Variants in RGP1 observed in about 807,000 individuals in gnomAD.
RGP1 encodes RAB6A-GEF complex partner protein 2.
In RGP1, 28 loss-of-function variants were observed where a neutral mutation model predicts 44.5. The ratio of observed to expected loss-of-function variants is 0.63; its 90% CI spans 0.47 to 0.86. The LOEUF (loss-of-function observed/expected upper bound fraction) is 0.86. Ranked by LOEUF, RGP1 falls within the 40% of genes least tolerant of loss-of-function variation. RGP1 has a pLI of 0.00. For missense variants in RGP1, 417 were observed against 490.7 expected (o/e 0.85, Z 1.42); for synonymous variants, 212 against 196.7 (o/e 1.08, Z -0.65).
At chr9:35,781,035 A>C in the RGP1 span, among the ~76,000 whole-genome samples, 1 of 152,186 alleles carries the variant, frequency 6.6e-6, no homozygotes, top group African/African-American at 2.4e-5. Flanking sequence ...CTTCTCATGG[A>C]ATACACAATC....
At chr9:35,751,165 C>A in intron 5 of RGP1, 101 bp from the exon 6 acceptor site, 1 of 1,497,436 alleles carries the variant, frequency 6.7e-7, no homozygotes, top group Non-Finnish European at 9.2e-7. Context: ...AGCCCTGGCA[C>A]CCCTTACCTT....
At chr9:35,774,896 G>C in the RGP1 span, among the ~76,000 whole-genome samples, 1 of 151,968 alleles carries the variant, frequency 6.6e-6, no homozygotes, top group Admixed American at 6.6e-5. Context: ...GGTGGGGGGG[G>C]CTTCAGTCAC....
Position 35,751,372 on chromosome 9 carries a change from T to C in RGP1, c.594T>C (p.Ala198=). 6.2e-7 allele frequency: 1 copy of C among 1,614,010 alleles called. No homozygotes were observed. The highest frequency in any genetic ancestry group is 8.5e-7 in the Non-Finnish European group (1 of 1,179,886). ...AAGATTCATGGCTAGCTGAGCTGGC[T>C]GGGGAACGCCTAATGGCTGCCACAT... The part of the protein sequence containing the change: ...GKKDSWLAEL[A]GERLMAATSC... The change falls in exon 6 of 9, where the codon GCT becomes GCC. Residue 198 remains alanine, a synonymous_variant. Transcript: ENST00000378078.
chr9:35,751,899 G>A, intron 7 of RGP1, 57 bp from the exon 8 acceptor site: 6 of 1,558,576 alleles, frequency 3.8e-6, no homozygotes, highest in Non-Finnish European at 5.2e-6. Flanking sequence ...AGGTTGGGCT[G>A]TCCTCTCACC....
At position 35,754,312 on chromosome 9, in the gene RGP1, AC is replaced by A; in HGVS notation, c.*1441del. 2.9e-6 allele frequency: 2 copies of A among 680,958 alleles called. No individual in the cohort carries two copies. Among genetic ancestry groups the A allele is most frequent in the Non-Finnish European group, 4.5e-6 (2 of 443,912 alleles). The allele number at this position is 680,958 out of a possible 1,614,324, so 42.2% of individuals were successfully genotyped here. The stretch of plus-strand genomic sequence containing the variant: ...GGCTGGGGATGTTTATAAAGTGAGG[AC>A]CCTGGCCCCCTGCTGAGTAGAGCTG... On this transcript the variant is annotated 3_prime_UTR_variant, in exon 9 of 9. Coordinates refer to ENST00000378078, the MANE Select transcript of RGP1 (RefSeq NM_001080496.3).
At chr9:35,788,742 T>C in the RGP1 span, among the ~76,000 whole-genome samples, 2 of 152,162 alleles carry the variant, frequency 1.3e-5, no homozygotes, top group African/African-American at 2.4e-5. Context: ...TCCTAGGTTT[T>C]CTATGTATTG....
Position 35,749,407 on chromosome 9 carries a change from A to T in RGP1, c.-21A>T. 1.8e-6 allele frequency: 1 copy of T among 560,140 alleles called. No individual in the cohort carries two copies. Among genetic ancestry groups the T allele is most frequent in the Non-Finnish European group, 3.6e-6 (1 of 276,906 alleles). 34.7% of individuals were successfully genotyped at this position (560,140 alleles called of 1,614,324 possible). A position where few individuals can be genotyped will look rare whatever the true frequency, so the allele number is the denominator to read the frequency against. On this transcript the variant is annotated splice_region_variant and 5_prime_UTR_variant, in exon 1 of 9. Transcript: ENST00000378078. The surrounding 1 kb of genome is among the most constrained non-coding windows in gnomAD (Gnocchi z 4.4). Reference sequence around the variant, plus strand: ...GCCGATCCCTAGTGTCGACTATGCGAGGTGACTAGCGGCGGTGATCTTGGG... The same window carrying T: ...GCCGATCCCTAGTGTCGACTATGCGTGGTGACTAGCGGCGGTGATCTTGGG...
chr9:35,783,906 C>G, the RGP1 span, among the ~76,000 whole-genome samples: 1 of 152,322 alleles, frequency 6.6e-6, no homozygotes, highest in African/African-American at 2.4e-5. Context: ...TATGTTCCCA[C>G]TAGTATAAAA....
the RGP1 span, among the ~76,000 whole-genome samples, chr9:35,770,406 A>C: frequency 6.6e-6 from 1 of 151,152 alleles, no homozygotes; most frequent in Non-Finnish European, 1.5e-5. Flanking sequence ...TAGGTATATG[A>C]TTTGAAAGCT....
the RGP1 span, among the ~76,000 whole-genome samples, chr9:35,781,727 G>A: frequency 2.0e-5 from 3 of 152,022 alleles, no homozygotes; most frequent in Admixed American, 2.0e-4. Context: ...TGTGTAGGGT[G>A]TTATATATAA....
chr9:35,774,630 A>T, the RGP1 span, among the ~76,000 whole-genome samples: 1 of 152,142 alleles, frequency 6.6e-6, no homozygotes, highest in Admixed American at 6.5e-5. Flanking sequence ...AGGCTGAGGC[A>T]GGAGAGTGGC....
Position 35,752,072 on chromosome 9 carries a change from C to T in RGP1, c.879C>T (p.Cys293=). Residue 293 remains cysteine, a synonymous_variant, in exon 8 of 9, where the codon TGC becomes TGT. Transcript: ENST00000378078. ...HVTHARHQES[C]LHTTRTSFSL... ...CTCACGCCCGGCACCAGGAATCCTG[C>T]CTACATACAACTAGAACCAGCTTCT... 2 of 1,610,420 alleles carry T rather than the reference C, an allele frequency of 1.2e-6. No individual in the cohort carries two copies. Among genetic ancestry groups the T allele is most frequent in the Non-Finnish European group, 1.7e-6 (2 of 1,177,992 alleles).
chr9:35,778,991 A>C, the RGP1 span, among the ~76,000 whole-genome samples: 1 of 152,216 alleles, frequency 6.6e-6, no homozygotes, highest in African/African-American at 2.4e-5. Context: ...TGAGGAATGC[A>C]GTTGAGCTCC....
intron 4 of RGP1, 43 bp from the exon 5 acceptor site, chr9:35,750,797 C>G (rs769032714): frequency 6.2e-7 from 1 of 1,613,836 alleles, no homozygotes; most frequent in South Asian, 1.1e-5. Context: ...AGGGAGGACT[C>G]CTCTGGTGCC....
rs752453039 is a variant in RGP1 at position 35,752,692 on chromosome 9, C to G, written c.994C>G (p.Arg332Gly). 3.1e-6 allele frequency: 5 copies of G among 1,613,262 alleles called. No individual in the cohort carries two copies. In the Admixed American group the frequency reaches 6.7e-5, roughly 22 times the overall value. ...ATTGCATTTTGAATTTGTAACGTCCCGAGAACCAGGATTGGTACTCCTACC... is the reference window on the plus strand; with the variant it reads ...ATTGCATTTTGAATTTGTAACGTCCGGAGAACCAGGATTGGTACTCCTACC... ...WRLHFEFVTS[R>G]EPGLVLLPPV... Residue 332 changes from arginine to glycine, a missense_variant, in exon 9 of 9, where the codon CGA becomes GGA. Transcript: ENST00000378078.
rs747578513 is a variant in RGP1 at position 35,753,718 on chromosome 9, G to A, written c.*844G>A. On this transcript the variant is annotated 3_prime_UTR_variant, in exon 9 of 9. Coordinates refer to ENST00000378078, the MANE Select transcript of RGP1 (RefSeq NM_001080496.3). The surrounding 1 kb of genome is among the most constrained non-coding windows in gnomAD (Gnocchi z 4.2). ...CAGGTGCAATGGAAACAGTCCTTGC[G>A]GAGCCAAGACTCACCCAGGGTAAAA... The A allele has an allele frequency of 7.4e-6, 12 of 1,614,016 alleles. No homozygotes were observed. The highest frequency in any genetic ancestry group is 4.0e-5 in the African/African-American group (3 of 74,894).
At position 35,755,028 on chromosome 9, in the gene RGP1, A is replaced by T. The variant is rs1827337206; in HGVS notation, c.*2154A>T. 6.6e-6 allele frequency: 1 copy of T among 152,166 alleles called. No individual in the cohort carries two copies. The highest frequency in any genetic ancestry group is 2.1e-4 in the South Asian group (1 of 4,828). 9.4% of individuals were successfully genotyped at this position (152,166 alleles called of 1,614,324 possible). ...CCATATATAATGGAGTGAGGTTTTT[A>T]GGAATTTATCATTTGGCATCCTCTG... On this transcript the variant is annotated 3_prime_UTR_variant, in exon 9 of 9. Coordinates refer to ENST00000378078, the MANE Select transcript of RGP1 (RefSeq NM_001080496.3).
chr9:35,790,427 G>C, the RGP1 span: 1 of 153,852 alleles, frequency 6.5e-6, no homozygotes, highest in East Asian at 1.9e-4. Context: ...CGTGCCTAAG[G>C]ATAAAGTGGC....
In RGP1 at chr9:35,749,593, C is replaced by A. The variant is rs1013571099; in HGVS notation, c.-19-144C>A. 7.2e-5 allele frequency: 49 copies of A among 681,512 alleles called. No homozygotes were observed. The Admixed American group carries it at 1.1e-3, about 15-fold the overall frequency. The allele number at this position is 681,512 out of a possible 1,614,324, so 42.2% of individuals were successfully genotyped here. On this transcript the variant is annotated intron_variant, in intron 1 of 8. Transcript: ENST00000378078. This position sits in a 1 kb window ranked among gnomAD's most constrained non-coding sequence, Gnocchi z 4.4. ...TGAGTCTTCAGTCGCCTCCCTCCCA[C>A]CCGCCTACCCCTCCTATATCCAGGA...
Sources: gnomAD v4.1 joint callset for allele counts (sites outside exome capture counted in the v4.1 genomes callset) on GRCh38, gnomAD v4.1.1 for gene constraint, Gnocchi (gnomAD v3.1) non-coding constraint, MANE v1.5 for transcripts, NCBI Gene and HGNC (gene_info 2026-07-23, HGNC 2026-07-21) for gene names.